MTUS2: variants seen among roughly 807,000 people sequenced by gnomAD.
The protein encoded by MTUS2 is microtubule-associated tumor suppressor candidate 2.
In MTUS2, 40 loss-of-function variants were observed where a neutral mutation model predicts 114.1. The ratio of observed to expected loss-of-function variants is 0.35; its 90% CI spans 0.27 to 0.46. The LOEUF (loss-of-function observed/expected upper bound fraction) is 0.46. Ranked by LOEUF, MTUS2 falls within the 20% of genes least tolerant of loss-of-function variation. The probability of loss-of-function intolerance (pLI) is 1.00; values close to 1 mark genes in which losing one functional copy is unlikely to be tolerated. For synonymous variants in MTUS2, 688 were observed against 672.0 expected (o/e 1.02, Z -0.37); for missense variants, 1,679 against 1,705.4 (o/e 0.98, Z 0.27).
intron 2 of MTUS2, among the ~76,000 whole-genome samples, chr13:28,888,109 C>T (rs1459177912): frequency 6.6e-6 from 1 of 152,096 alleles, no homozygotes; most frequent in Non-Finnish European, 1.5e-5. Flanking sequence ...ATCCTGGGAC[C>T]CTATAAAACA....
At chr13:29,243,329 C>G (rs1896797571) in intron 5 of MTUS2, among the ~76,000 whole-genome samples, 1 of 151,978 alleles carries the variant, frequency 6.6e-6, no homozygotes, top group South Asian at 2.1e-4. Context: ...GGAGGAGAAC[C>G]AAAAGATAGC....
At chr13:29,418,139 G>A (rs1190028001) in intron 8 of MTUS2, among the ~76,000 whole-genome samples, 1 of 152,168 alleles carries the variant, frequency 6.6e-6, no homozygotes, top group Non-Finnish European at 1.5e-5. Flanking sequence ...GGGCATTAGT[G>A]TCAGTTTAGA....
intron 6 of MTUS2, chr13:29,307,676 G>T: frequency 1.8e-6 from 2 of 1,133,680 alleles, no homozygotes; most frequent in Non-Finnish European, 1.3e-6. Context: ...GCTGGGGCTA[G>T]CATTGCCCTC....
At chr13:29,081,608 T>TTTG (rs1889445674) in intron 4 of MTUS2, among the ~76,000 whole-genome samples, 3 of 146,898 alleles carry the variant, frequency 2.0e-5, no homozygotes, top group Non-Finnish European at 4.5e-5. Flanking sequence ...CCATTCAAAG[T>TTTG]AATGGCAAAA....
intron 4 of MTUS2, among the ~76,000 whole-genome samples, chr13:29,067,852 G>T (rs745399642): frequency 3.3e-5 from 5 of 152,106 alleles, no homozygotes; most frequent in Non-Finnish European, 7.4e-5. Context: ...GGTGGATCCT[G>T]GAATGTAAGT....
chr13:29,422,185 A>C (rs547256087), intron 8 of MTUS2, among the ~76,000 whole-genome samples: 1 of 152,300 alleles, frequency 6.6e-6, no homozygotes, highest in South Asian at 2.1e-4. Flanking sequence ...CCAAATTACA[A>C]TGCAGTTAGT....
intron 8 of MTUS2, among the ~76,000 whole-genome samples, chr13:29,384,942 A>C (rs992016643): frequency 6.6e-6 from 1 of 152,232 alleles, no homozygotes; most frequent in African/African-American, 2.4e-5. Context: ...AGTTGTGAGG[A>C]CTGCTATATC....
chr13:29,277,607 C>T (rs1038307904), intron 5 of MTUS2, among the ~76,000 whole-genome samples: 6 of 152,210 alleles, frequency 3.9e-5, no homozygotes, highest in Non-Finnish European at 8.8e-5. Context: ...TGGAGCCTCA[C>T]GTGGCAGACA....
At chr13:29,179,526 G>A (rs1893911728) in intron 5 of MTUS2, among the ~76,000 whole-genome samples, 1 of 152,112 alleles carries the variant, frequency 6.6e-6, no homozygotes, top group African/African-American at 2.4e-5. Flanking sequence ...TGACTGAGGA[G>A]GTGTTTATAC....
At chr13:29,180,805 G>A (rs754847783) in intron 5 of MTUS2, among the ~76,000 whole-genome samples, 4 of 152,176 alleles carry the variant, frequency 2.6e-5, no homozygotes, top group Non-Finnish European at 4.4e-5. Flanking sequence ...CTATGAGAGG[G>A]TTGTCCGGGG....
chr13:28,955,319 A>G (rs1362332528), intron 2 of MTUS2, among the ~76,000 whole-genome samples: 2 of 152,188 alleles, frequency 1.3e-5, no homozygotes, highest in Admixed American at 1.3e-4. Flanking sequence ...ATAAATACAA[A>G]CTAAAAGCAG....
At chr13:28,916,106 G>C (rs979151537) in intron 2 of MTUS2, among the ~76,000 whole-genome samples, 2 of 151,800 alleles carry the variant, frequency 1.3e-5, no homozygotes, top group African/African-American at 4.8e-5. Flanking sequence ...TGAGTTCGCT[G>C]TAGGTGTTTG....
intron 2 of MTUS2, among the ~76,000 whole-genome samples, chr13:28,910,541 C>A (rs184744020): frequency 6.6e-6 from 1 of 152,036 alleles, no homozygotes; most frequent in Admixed American, 6.6e-5. Context: ...GCTCTTCCTC[C>A]CCCCAGCCCC....
chr13:29,159,751 A>G (rs1407889519), intron 5 of MTUS2, among the ~76,000 whole-genome samples: 1 of 152,234 alleles, frequency 6.6e-6, no homozygotes, highest in Non-Finnish European at 1.5e-5. Context: ...GTTCAACATC[A>G]TTAGCCGTTT....
At chr13:29,360,737 C>T (rs750479603) in intron 8 of MTUS2, among the ~76,000 whole-genome samples, 3 of 141,940 alleles carry the variant, frequency 2.1e-5, no homozygotes, top group Non-Finnish European at 4.6e-5. Context: ...CTTCAAGGAG[C>T]CCAAGAGGCC....
chr13:29,132,253 C>G (rs1362126795), intron 5 of MTUS2, among the ~76,000 whole-genome samples: 1 of 152,190 alleles, frequency 6.6e-6, no homozygotes, highest in African/African-American at 2.4e-5. Context: ...TCCTGGGTGA[C>G]TCAACATTAT....
At chr13:28,990,875 CAT>C (rs1884815990) in intron 2 of MTUS2, among the ~76,000 whole-genome samples, 1 of 151,998 alleles carries the variant, frequency 6.6e-6, no homozygotes, top group East Asian at 1.9e-4. Context: ...TCTGCGGCTT[CAT>C]TCCAGAAGTC....
intron 9 of MTUS2, among the ~76,000 whole-genome samples, chr13:29,468,724 G>A (rs1286486299): frequency 6.6e-6 from 1 of 152,074 alleles, no homozygotes; most frequent in Non-Finnish European, 1.5e-5. Context: ...GTAAATCAGG[G>A]GGAAAATGCC....
chr13:29,318,333 A>T (rs1900098998), intron 6 of MTUS2, among the ~76,000 whole-genome samples: 1 of 144,174 alleles, frequency 6.9e-6, no homozygotes, highest in Non-Finnish European at 1.5e-5. Flanking sequence ...TTGTTTTCCC[A>T]TTGAGATGTG....
Sources: allele counts gnomAD v4.1 joint callset (sites outside exome capture counted in the v4.1 genomes callset), GRCh38; gene constraint gnomAD v4.1.1; transcripts MANE v1.5; gene names NCBI Gene and HGNC (gene_info 2026-07-23, HGNC 2026-07-21).